SBF2: variants seen among roughly 807,000 people sequenced by gnomAD.
The protein encoded by SBF2 is myotubularin-related protein 13.
In SBF2, 112 loss-of-function variants were observed where a neutral mutation model predicts 225.2. The observed-to-expected ratio is 0.50, with a 90% CI of 0.43 to 0.58. SBF2 has a LOEUF of 0.58. Among genes scored for constraint, SBF2 ranks in the 20% least tolerant of loss-of-function variants. The probability of loss-of-function intolerance (pLI) is 0.00; values close to 1 mark genes in which losing one functional copy is unlikely to be tolerated. For missense variants in SBF2, 1,996 were observed against 2,206.2 expected (o/e 0.90, Z 1.91); for synonymous variants, 763 against 773.3 (o/e 0.99, Z 0.22).
intron 2 of SBF2, among the ~76,000 whole-genome samples, chr11:10,168,309 T>G (rs1434721453): frequency 6.6e-6 from 1 of 152,216 alleles, no homozygotes; most frequent in Non-Finnish European, 1.5e-5. Context: ...GCTATAAATT[T>G]TAAAGTAATA....
rs1554933292 is a variant in SBF2 at position 9,868,366 on chromosome 11, A to AAAAAAG, written c.1930-9971_1930-9970insCTTTTT. Reference sequence around the variant, plus strand: ...AAAAAAAAAAAAAAAAAAAAAAAAAAAATTAGGCGGGTGTGGTGGCGGGCG... The same window carrying AAAAAAG: ...AAAAAAAAAAAAAAAAAAAAAAAAAAAAAAAGAATTAGGCGGGTGTGGTGGCGGGCG... On this transcript the variant is annotated intron_variant, in intron 17 of 39. Transcript: ENST00000256190. 3.2e-4 allele frequency among the ~76,000 whole-genome samples: 37 copies of AAAAAAG among 114,910 alleles called. 1 individual carries two copies. Among genetic ancestry groups the AAAAAAG allele is most frequent in the East Asian group, 6.6e-4 (3 of 4,544 alleles). The allele number at this position is 114,910 out of a possible 152,430, so 75.4% of individuals were successfully genotyped here.
At chr11:9,834,751 C>G (rs941952159) in intron 26 of SBF2, among the ~76,000 whole-genome samples, 1 of 152,200 alleles carries the variant, frequency 6.6e-6, no homozygotes, top group Non-Finnish European at 1.5e-5. Context: ...ACTTGAATAT[C>G]AGTTTTTCCC....
At chr11:10,031,221 A>G (rs1270833905) in intron 3 of SBF2, 51 bp from the exon 4 acceptor site, 6 of 1,582,324 alleles carry the variant, frequency 3.8e-6, no homozygotes, top group Admixed American at 1.7e-5. Context: ...TCCTAGGTTC[A>G]TAATTCACAA....
chr11:9,951,973 C>T (rs564829800), intron 16 of SBF2, among the ~76,000 whole-genome samples: 1 of 152,264 alleles, frequency 6.6e-6, no homozygotes, highest in East Asian at 1.9e-4. Flanking sequence ...ATAGTATGCC[C>T]TGGGAGAGCT....
intron 2 of SBF2, among the ~76,000 whole-genome samples, chr11:10,155,069 C>T (rs1196933106): frequency 6.6e-6 from 1 of 152,154 alleles, no homozygotes; most frequent in Non-Finnish European, 1.5e-5. Context: ...TTGTGTTAAA[C>T]TCCACCTGGA....
chr11:10,302,256 A>G (rs771571240), intron 1 of SBF2, among the ~76,000 whole-genome samples: 2 of 152,220 alleles, frequency 1.3e-5, no homozygotes, highest in Non-Finnish European at 2.9e-5. Context: ...CACGAGAAAA[A>G]ACATAGATGC....
intron 16 of SBF2, among the ~76,000 whole-genome samples, chr11:9,912,286 A>AT (rs890487013): frequency 2.5e-5 from 3 of 119,866 alleles, no homozygotes; most frequent in East Asian, 2.5e-4. Context: ...CACTCTATAA[A>AT]TTTTTTTTGT....
chr11:10,056,352 A>G (rs1053147952), intron 2 of SBF2, among the ~76,000 whole-genome samples: 5 of 152,340 alleles, frequency 3.3e-5, no homozygotes, highest in Non-Finnish European at 4.4e-5. Context: ...TTTTAATGAT[A>G]CTGATTCTTC....
intron 1 of SBF2, among the ~76,000 whole-genome samples, chr11:10,210,825 C>T (rs2135381517): frequency 6.6e-6 from 1 of 151,918 alleles, no homozygotes; most frequent in East Asian, 1.9e-4. Context: ...CCAGCCTGGC[C>T]AACGTGGTGA....
In SBF2 at chr11:9,992,926, C is replaced by A. The variant is rs60333011; in HGVS notation, c.1167+64G>T. ...CAAAATAAATGGCTCGGAAAAAAAA[C>A]CAAGTAGTTTTATTAAATTAGAATA... is the stretch of plus-strand genomic sequence containing the variant. On this transcript the variant is annotated intron_variant, in intron 11 of 39. Transcript: ENST00000256190. The A allele has an allele frequency of 2.3e-3, 2,793 of 1,196,574 alleles. 50 individuals carry two copies. In the African/African-American group the frequency reaches 0.038, roughly 16 times the overall value. The allele number at this position is 1,196,574 out of a possible 1,614,324, so 74.1% of individuals were successfully genotyped here. A position where few individuals can be genotyped will look rare whatever the true frequency, so the allele number is the denominator to read the frequency against.
chr11:10,216,559 C>A (rs187515084), intron 1 of SBF2, among the ~76,000 whole-genome samples: 2 of 152,182 alleles, frequency 1.3e-5, no homozygotes, highest in African/African-American at 4.8e-5. Flanking sequence ...AGAGTAAGAA[C>A]TTCTAAAAGG....
At position 9,940,441 on chromosome 11, in the gene SBF2, A is replaced by C. The variant is rs1865187269; in HGVS notation, c.1860+21516T>G. Among the ~76,000 whole-genome samples the C allele has an allele frequency of 2.0e-5, 3 of 152,158 alleles. No individual in the cohort carries two copies. In the South Asian group the frequency reaches 6.2e-4, roughly 32 times the overall value. On this transcript the variant is annotated intron_variant, in intron 16 of 39. Coordinates refer to ENST00000256190, the MANE Select transcript of SBF2 (RefSeq NM_030962.4). Reference sequence around the variant, plus strand: ...TTTTTTAAAGTACATACTATGCTAAAAGATAGAAATGGTGGTGGTGCAGCC... The same window carrying C: ...TTTTTTAAAGTACATACTATGCTAACAGATAGAAATGGTGGTGGTGCAGCC...
chr11:10,145,255 C>A (rs1954833258), intron 2 of SBF2, among the ~76,000 whole-genome samples: 1 of 152,258 alleles, frequency 6.6e-6, no homozygotes, highest in African/African-American at 2.4e-5. Flanking sequence ...AGAGTACCAA[C>A]CCTTGGCCTT....
chr11:9,919,270 C>CTTCTTCT (rs1554954354), intron 16 of SBF2, among the ~76,000 whole-genome samples: 6 of 139,940 alleles, frequency 4.3e-5, no homozygotes, highest in Admixed American at 3.6e-4. Flanking sequence ...TCTTCTTCTT[C>CTTCTTCT]TTTTTTTTTT....
At chr11:10,289,136 G>A (rs1019716025) in intron 1 of SBF2, among the ~76,000 whole-genome samples, 3 of 152,218 alleles carry the variant, frequency 2.0e-5, no homozygotes, top group African/African-American at 4.8e-5. Flanking sequence ...GTACACACCC[G>A]GGGGCGCTGT....
intron 37 of SBF2, 36 bp downstream of exon 37, chr11:9,785,089 A>C: frequency 1.3e-6 from 2 of 1,592,688 alleles, no homozygotes; most frequent in Non-Finnish European, 1.7e-6. Flanking sequence ...GCTGTGGGGA[A>C]GTCTTCAGCA....
intron 1 of SBF2, among the ~76,000 whole-genome samples, chr11:10,252,357 T>C (rs952576096): frequency 2.0e-5 from 3 of 152,260 alleles, no homozygotes; most frequent in African/African-American, 7.2e-5. Flanking sequence ...ATTTGAGTCC[T>C]TGTGGACGAA....
intron 2 of SBF2, among the ~76,000 whole-genome samples, chr11:10,177,948 C>T (rs1432530350): frequency 6.7e-6 from 1 of 149,108 alleles, no homozygotes; most frequent in African/African-American, 2.5e-5. Context: ...AACTATACTA[C>T]AAGGCTACAG....
intron 1 of SBF2, among the ~76,000 whole-genome samples, chr11:10,212,155 A>G (rs1957964470): frequency 6.6e-6 from 1 of 152,150 alleles, no homozygotes; most frequent in Non-Finnish European, 1.5e-5. Flanking sequence ...TATGGGAACT[A>G]ATTTGGGGAT....
Sources: gnomAD v4.1 joint callset for allele counts (sites outside exome capture counted in the v4.1 genomes callset) on GRCh38, gnomAD v4.1.1 for gene constraint, MANE v1.5 for transcripts, NCBI Gene and HGNC (gene_info 2026-07-23, HGNC 2026-07-21) for gene names.